The following SLC23A2 variants were observed in gnomAD, a reference collection of about 807,000 sequenced individuals.
SLC23A2 encodes Na(+)/L-ascorbic acid transporter 2.
Under a neutral mutation model 73.3 loss-of-function variants are expected in SLC23A2, and 36 were observed. The ratio of observed to expected loss-of-function variants is 0.49; its 90% confidence interval spans 0.38 to 0.65. The LOEUF is 0.65. SLC23A2 is among the 30% of genes least tolerant of loss of function. The pLI is 0.00. For missense variants in SLC23A2, 507 were observed against 841.6 expected, an observed-to-expected ratio of 0.60 and a Z score of 4.92; for synonymous variants, 343 against 327.3, an observed-to-expected ratio of 1.05 and a Z score of -0.52.
intron 2 of SLC23A2, among the ~76,000 whole-genome samples, chr20:4,936,526 G>A (rs182273411): frequency 1.2e-3 from 179 of 152,206 alleles, no homozygotes; most frequent in African/African-American, 4.2e-3. Context: ...GGCCTCAAGC[G>A]ATCATCCTGC....
rs1931035670 is a variant in SLC23A2 at position 4,884,903 on chromosome 20, T to TAA, written c.572-81_572-80insTT. 4 of 809,336 alleles carry TAA rather than the reference T, an allele frequency of 4.9e-6. No homozygotes were observed. The South Asian group carries it at 7.2e-5, about 14-fold the overall frequency. The allele number at this position is 809,336 out of a possible 1,614,324, so 50.1% of individuals were successfully genotyped here. A position where few individuals can be genotyped will look rare whatever the true frequency, so the allele number is the denominator to read the frequency against. On this transcript the variant is annotated intron_variant, in intron 7 of 16. Coordinates refer to ENST00000338244, the MANE Select transcript of SLC23A2 (RefSeq NM_005116.6). ...TATTCATTTTACCTTTTAAGAAGAA[T>TAA]TTTCTCCCTGTTTTTATTACATCTG...
At chr20:4,931,519 G>A (rs1337394790) in intron 3 of SLC23A2, among the ~76,000 whole-genome samples, 1 of 152,102 alleles carries the variant, frequency 6.6e-6, no homozygotes, top group Non-Finnish European at 1.5e-5. Context: ...TGCTTTAGGA[G>A]GCTGAGGCGA....
chr20:4,980,246 A>G (rs1286893515), intron 1 of SLC23A2, among the ~76,000 whole-genome samples: 2 of 152,180 alleles, frequency 1.3e-5, no homozygotes, highest in Non-Finnish European at 2.9e-5. Flanking sequence ...ATTTAGTCTA[A>G]AGAAATAATC....
intron 3 of SLC23A2, among the ~76,000 whole-genome samples, chr20:4,924,613 A>T (rs1217534810): frequency 1.3e-5 from 2 of 152,200 alleles, no homozygotes; most frequent in African/African-American, 2.4e-5. Flanking sequence ...GGTGAGGCCC[A>T]CAAGACCTAT....
At chr20:4,960,185 G>A (rs2087358456) in intron 2 of SLC23A2, among the ~76,000 whole-genome samples, 2 of 151,784 alleles carry the variant, frequency 1.3e-5, no homozygotes, top group African/African-American at 4.9e-5. Context: ...CAAACCACAT[G>A]GCCTATCTCT....
At chr20:4,890,062 C>T (rs1931270235) in intron 6 of SLC23A2, among the ~76,000 whole-genome samples, 1 of 152,090 alleles carries the variant, frequency 6.6e-6, no homozygotes, top group South Asian at 2.1e-4. Flanking sequence ...CTATGGGAAA[C>T]ACCATGAAGA....
At position 4,857,696 on chromosome 20, in the gene SLC23A2, C is replaced by T. The variant is rs1374643165; in HGVS notation, c.1721-492G>A. Among the ~76,000 whole-genome samples the T allele has an allele frequency of 6.6e-6, 1 of 152,002 alleles. No individual in the cohort carries two copies. Among genetic ancestry groups the T allele is most frequent in the Non-Finnish European group, 1.5e-5 (1 of 68,014 alleles). ...CTGTAATCCAAGCACTTTGGGAGGCCGAGGTGAGAGGATCACATGAAGTCA... is the reference window on the plus strand; with the variant it reads ...CTGTAATCCAAGCACTTTGGGAGGCTGAGGTGAGAGGATCACATGAAGTCA... On this transcript the variant is annotated intron_variant, in intron 16 of 16. Transcript: ENST00000338244. The surrounding 1 kb of genome is among the most constrained non-coding windows in gnomAD (Gnocchi z 4.0).
intron 6 of SLC23A2, among the ~76,000 whole-genome samples, chr20:4,898,671 A>G (rs757041055): frequency 1.3e-5 from 2 of 152,246 alleles, no homozygotes; most frequent in Non-Finnish European, 2.9e-5. Context: ...AGGAGGAGGT[A>G]GGAAGGTAGA....
At chr20:4,908,300 G>A (rs1188880914) in intron 4 of SLC23A2, among the ~76,000 whole-genome samples, 4 of 152,112 alleles carry the variant, frequency 2.6e-5, no homozygotes, top group African/African-American at 9.7e-5. Context: ...GAAAAATCAG[G>A]ATAAAACTAC....
chr20:4,856,970 G>A lies in SLC23A2; in HGVS notation c.*2C>T. ...CGGCCAGGCCACAGGGCACAGCAAA[G>A]GCTATCCCGTGGCCTGGGAGTCTTC... On this transcript the variant is annotated 3_prime_UTR_variant, in exon 17 of 17. Coordinates refer to ENST00000338244, the MANE Select transcript of SLC23A2 (RefSeq NM_005116.6). The surrounding 1 kb of genome is among the most constrained non-coding windows in gnomAD (Gnocchi z 4.6). The A allele has an allele frequency of 6.2e-7, 1 of 1,605,254 alleles. No individual in the cohort carries two copies.
intron 2 of SLC23A2, among the ~76,000 whole-genome samples, chr20:4,934,895 A>T (rs1274003599): frequency 6.6e-6 from 1 of 151,564 alleles, no homozygotes; most frequent in Non-Finnish European, 1.5e-5. Context: ...TTCTTGTCAG[A>T]AAAAAACCAA....
intron 3 of SLC23A2, among the ~76,000 whole-genome samples, chr20:4,916,275 T>C (rs1290942264): frequency 6.6e-6 from 1 of 152,082 alleles, no homozygotes; most frequent in Admixed American, 6.5e-5. Context: ...AGCAACACGC[T>C]CTCAGGATGA....
Position 4,856,761 on chromosome 20 carries a change from G to C in SLC23A2, c.*211C>G. ...GGCCAGCAATGGACACTCTCAAAGG[G>C]CAAGGAGTTAAGGGCTTAAATAAGG... On this transcript the variant is annotated 3_prime_UTR_variant, in exon 17 of 17. Coordinates refer to ENST00000338244, the MANE Select transcript of SLC23A2 (RefSeq NM_005116.6). The surrounding 1 kb of genome is among the most constrained non-coding windows in gnomAD (Gnocchi z 4.6). 1 of 543,432 alleles carries C rather than the reference G, an allele frequency of 1.8e-6. No homozygotes were observed. The highest frequency in any genetic ancestry group is 2.4e-5 in the South Asian group (1 of 41,770). The allele number at this position is 543,432 out of a possible 1,614,324, so 33.7% of individuals were successfully genotyped here.
intron 6 of SLC23A2, among the ~76,000 whole-genome samples, chr20:4,894,545 T>A (rs1931449416): frequency 6.6e-6 from 1 of 152,134 alleles, no homozygotes; most frequent in African/African-American, 2.4e-5. Flanking sequence ...GCATCTACAA[T>A]CGGCCTCCTG....
chr20:4,992,221 T>C (rs2122330974), intron 1 of SLC23A2, among the ~76,000 whole-genome samples: 1 of 152,210 alleles, frequency 6.6e-6, no homozygotes, highest in Non-Finnish European at 1.5e-5. Flanking sequence ...ATGTCTAAAA[T>C]AGTAAGGTCA....
chr20:4,858,738 C>G (rs1050381290), intron 16 of SLC23A2, among the ~76,000 whole-genome samples: 4 of 152,168 alleles, frequency 2.6e-5, no homozygotes, highest in Admixed American at 2.0e-4. Context: ...CAGAATGTAT[C>G]CATAAACAGG....
At position 4,857,317 on chromosome 20, in the gene SLC23A2, CACACACACACACACACACAT is replaced by C. The variant is rs1179803691; in HGVS notation, c.1721-133_1721-114del. 111 of 587,614 alleles carry C rather than the reference CACACACACACACACACACAT, an allele frequency of 1.9e-4. No individual in the cohort carries two copies. The highest frequency in any genetic ancestry group is 1.3e-3 in the African/African-American group (68 of 51,446). The allele number at this position is 587,614 out of a possible 1,614,324, so 36.4% of individuals were successfully genotyped here. A position where few individuals can be genotyped will look rare whatever the true frequency, so the allele number is the denominator to read the frequency against. The stretch of plus-strand genomic sequence containing the variant: ...ACACACACACACACACACACACACA[CACACACACACACACACACAT>C]GGTCCCACAGATCAAACCTGCCTAG... On this transcript the variant is annotated intron_variant, in intron 16 of 16. Coordinates refer to ENST00000338244, the MANE Select transcript of SLC23A2 (RefSeq NM_005116.6). This position sits in a 1 kb window ranked among gnomAD's most constrained non-coding sequence, Gnocchi z 4.0.
At chr20:4,907,522 T>C (rs1931999343) in intron 4 of SLC23A2, among the ~76,000 whole-genome samples, 1 of 152,154 alleles carries the variant, frequency 6.6e-6, no homozygotes, top group Admixed American at 6.5e-5. Context: ...GTTACTTCAA[T>C]TGTGGGAGAC....
At chr20:4,995,207 C>T (rs1203203796) in intron 1 of SLC23A2, among the ~76,000 whole-genome samples, 1 of 152,054 alleles carries the variant, frequency 6.6e-6, no homozygotes, top group Non-Finnish European at 1.5e-5. Flanking sequence ...AAGATTCCTA[C>T]AGGAACAAAC....
Sources: gnomAD v4.1 joint callset for allele counts (sites outside exome capture counted in the v4.1 genomes callset) on GRCh38, gnomAD v4.1.1 for gene constraint, Gnocchi (gnomAD v3.1) non-coding constraint, MANE v1.5 for transcripts, NCBI Gene and HGNC (gene_info 2026-07-23, HGNC 2026-07-21) for gene names.